Variants in KRT7 observed in about 807,000 individuals in gnomAD.
KRT7 encodes the protein keratin, type II cytoskeletal 7.
Under a neutral mutation model 42.8 loss-of-function variants are expected in KRT7, and 50 were observed. The ratio of observed to expected loss-of-function variants is 1.17; its 90% CI spans 0.93 to 1.48. The LOEUF is 1.48. Among genes scored for constraint, KRT7 ranks in the 40% most tolerant of loss-of-function variants. The pLI is 0.00. For missense variants in KRT7, 588 were observed against 637.6 expected (o/e 0.92, Z 0.84); for synonymous variants, 268 against 266.3 (o/e 1.01, Z -0.06).
chr12:52,253,380 C>G (rs1466964060), downstream of KRT7: 1 of 1,605,112 alleles, frequency 6.2e-7, no homozygotes, highest in East Asian at 2.2e-5. Context: ...GGTGGGACCT[C>G]CCATCCATTC....
Position 52,243,113 on chromosome 12 carries a change from T to C in KRT7, c.960T>C (p.Ala320=), listed in dbSNP as rs1161663964. The part of the protein sequence containing the change: ...EMNRAIQRLQ[A]EIDNIKNQRA... ...ACCGGGCCATCCAGAGGCTGCAGGC[T>C]GAGATCGACAACATCAAGAACCAGG... The change falls in exon 6 of 9, where the codon GCT becomes GCC. Residue 320 remains alanine (A), a synonymous_variant. Coordinates refer to ENST00000331817, the MANE Select transcript of KRT7 (RefSeq NM_005556.4). 4 of 1,613,078 alleles carry C rather than the reference T, an allele frequency of 2.5e-6. No homozygotes were observed. Among genetic ancestry groups the C allele is most frequent in the South Asian group, 2.2e-5 (2 of 90,946 alleles).
At position 52,243,106 on chromosome 12, in the gene KRT7, T is replaced by C; in HGVS notation, c.953T>C (p.Leu318Pro). The C allele has an allele frequency of 6.2e-7, 1 of 1,613,510 alleles. No homozygotes were observed. The highest frequency in any genetic ancestry group is 2.2e-5 in the East Asian group (1 of 44,828). Residue 318 changes from leucine to proline, a missense_variant, in exon 6 of 9, where the codon CTG becomes CCG. Coordinates refer to ENST00000331817, the MANE Select transcript of KRT7 (RefSeq NM_005556.4). ...ISEMNRAIQR[L>P]QAEIDNIKNQ... ...GAGATGAACCGGGCCATCCAGAGGC[T>C]GCAGGCTGAGATCGACAACATCAAG...
chr12:52,244,189 C>G (rs1323287985), intron 6 of KRT7, among the ~76,000 whole-genome samples: 2 of 152,256 alleles, frequency 1.3e-5, no homozygotes, highest in Non-Finnish European at 2.9e-5. Context: ...ATGTCCTCCC[C>G]TTGGAGCCCT....
chr12:52,239,672 G>C lies in KRT7; in HGVS notation c.693+897G>C, dbSNP rs539369530. Among the ~76,000 whole-genome samples, 13 of 152,218 alleles carry C rather than the reference G, an allele frequency of 8.5e-5. No homozygotes were observed. The South Asian group carries it at 1.7e-3, about 19-fold the overall frequency. On this transcript the variant is annotated intron_variant, in intron 4 of 8. Transcript: ENST00000331817. ...GTCAGGGGACTCCAGGTTGTGACAG[G>C]GTTCAAAGGTGGGCTAGGTAGGGCC...
Position 52,233,625 on chromosome 12 carries a change from G to C in KRT7, c.324+5G>C. On this transcript the variant is annotated splice_donor_5th_base_variant and intron_variant, in intron 1 of 8. Transcript: ENST00000331817. The stretch of plus-strand genomic sequence containing the variant: ...TTTGCCTCCTTCATCGACAAGGTGA[G>C]CGGGACTGGACCTCGCCTCTCCTCG... The C allele has an allele frequency of 6.2e-7, 1 of 1,612,188 alleles. No homozygotes were observed. Among genetic ancestry groups the C allele is most frequent in the Non-Finnish European group, 8.5e-7 (1 of 1,179,474 alleles).
In KRT7 at chr12:52,248,641, A is replaced by G. The variant is rs1344923227; in HGVS notation, c.1291A>G (p.Thr431Ala). The G allele has an allele frequency of 1.2e-6, 2 of 1,609,982 alleles. No individual in the cohort carries two copies. Among genetic ancestry groups the G allele is most frequent in the South Asian group, 1.1e-5 (1 of 90,632 alleles). Residue 431 changes from threonine (T) to alanine (A), a missense_variant, in exon 9 of 9, where the codon ACC becomes GCC. By Grantham distance (58) the Thr-to-Ala change is moderately conservative. Coordinates refer to ENST00000331817, the MANE Select transcript of KRT7 (RefSeq NM_005556.4). ...TAGCAGTGGCGGTGGCATTGGGCTGACCCTCGGGGGAACCATGGGCAGCAA... is the reference window on the plus strand; with the variant it reads ...TAGCAGTGGCGGTGGCATTGGGCTGGCCCTCGGGGGAACCATGGGCAGCAA... ...GSSSGGGIGL[T>A]LGGTMGSNAL...
downstream of KRT7, chr12:52,252,103 A>T (rs779786997): frequency 7.2e-6 from 7 of 974,024 alleles, no homozygotes; most frequent in Non-Finnish European, 1.1e-5. Flanking sequence ...TGGGGAGCAA[A>T]GCTGGTGAAA....
downstream of KRT7, chr12:52,255,512 A>T: frequency 2.2e-6 from 1 of 444,512 alleles, no homozygotes; most frequent in Non-Finnish European, 4.6e-6. Context: ...GGAGGTGGTC[A>T]CAAGAATCAA....
downstream of KRT7, among the ~76,000 whole-genome samples, chr12:52,254,604 C>A (rs1447017517): frequency 6.6e-6 from 1 of 152,218 alleles, no homozygotes; most frequent in African/African-American, 2.4e-5. Flanking sequence ...CTTCCTCTGG[C>A]ACCCACTGGG....
chr12:52,235,156 T>G lies in KRT7; in HGVS notation c.326T>G (p.Val109Gly). 1 of 1,613,960 alleles carries G rather than the reference T, an allele frequency of 6.2e-7. No homozygotes were observed. Among genetic ancestry groups the G allele is most frequent in the Non-Finnish European group, 8.5e-7 (1 of 1,179,914 alleles). Residue 109 changes from valine (V) to glycine (G), a missense_variant and splice_region_variant, in exon 2 of 9, where the codon GTG becomes GGG. Coordinates refer to ENST00000331817, the MANE Select transcript of KRT7 (RefSeq NM_005556.4). ...TTTCCTCCTTCTCGCCCGTTCTAGG[T>G]GCGGTTTCTGGAGCAGCAGAACAAG... The part of the protein sequence containing the change: ...NNKFASFIDK[V>G]RFLEQQNKLL...
chr12:52,252,299 C>T (rs550663623), downstream of KRT7: 29 of 1,613,996 alleles, frequency 1.8e-5, no homozygotes, highest in African/African-American at 8.0e-5. Flanking sequence ...CTGTAGGTGG[C>T]GATCTCAAAG....
chr12:52,242,901 C>T, intron 5 of KRT7, 111 bp from the exon 6 acceptor site: 1 of 1,273,848 alleles, frequency 7.9e-7, no homozygotes, highest in Non-Finnish European at 1.1e-6. Flanking sequence ...GGGAGTCAGA[C>T]TGTCCTTCCC....
intron 7 of KRT7, 56 bp from the exon 8 acceptor site, chr12:52,248,121 C>T (rs892656774): frequency 1.8e-4 from 277 of 1,542,608 alleles, no homozygotes; most frequent in Non-Finnish European, 2.2e-4. Context: ...GGGCTGAGAG[C>T]GCTTCCCTCC....
At chr12:52,242,620 A>G (rs1343695308) in intron 5 of KRT7, among the ~76,000 whole-genome samples, 1 of 152,176 alleles carries the variant, frequency 6.6e-6, no homozygotes, top group East Asian at 1.9e-4. Flanking sequence ...TCGTTCCATC[A>G]CTGATTGGCT....
intron 1 of KRT7, among the ~76,000 whole-genome samples, chr12:52,234,096 G>A (rs1941968706): frequency 7.9e-6 from 1 of 126,610 alleles, no homozygotes; most frequent in Non-Finnish European, 1.6e-5. Flanking sequence ...GCAGATGCTG[G>A]AGATTAGAGC....
chr12:52,233,827 C>G (rs1186317942), intron 1 of KRT7, among the ~76,000 whole-genome samples: 1 of 152,158 alleles, frequency 6.6e-6, no homozygotes, highest in East Asian at 1.9e-4. Context: ...CCAAGCCCTC[C>G]CTTCCAGCAA....
At chr12:52,235,050 G>C in intron 1 of KRT7, 105 bp from the exon 2 acceptor site, 1 of 1,065,274 alleles carries the variant, frequency 9.4e-7, no homozygotes, top group Non-Finnish European at 1.4e-6. Context: ...GAAACAGCCA[G>C]GGGGAGCATG....
intron 1 of KRT7, among the ~76,000 whole-genome samples, chr12:52,234,082 G>C (rs973242655): frequency 1.4e-5 from 2 of 144,258 alleles, no homozygotes; most frequent in South Asian, 2.3e-4. Context: ...ATGCTGATGC[G>C]GATGCAGATG....
At chr12:52,239,465 A>G (rs1037154157) in intron 4 of KRT7, among the ~76,000 whole-genome samples, 4 of 152,174 alleles carry the variant, frequency 2.6e-5, no homozygotes, top group Non-Finnish European at 5.9e-5. Context: ...TATTTCCTTC[A>G]TCAGGGGTTG....
Sources: allele counts gnomAD v4.1 joint callset (sites outside exome capture counted in the v4.1 genomes callset), GRCh38; gene constraint gnomAD v4.1.1; transcripts MANE v1.5; gene names NCBI Gene and HGNC (gene_info 2026-07-23, HGNC 2026-07-21).